RACGAP1: variants seen among roughly 807,000 people sequenced by gnomAD.
RACGAP1 encodes the protein rac GTPase-activating protein 1.
Under a neutral mutation model 78.1 loss-of-function variants are expected in RACGAP1, and 30 were observed. The observed-to-expected ratio is 0.38, with a 90% CI of 0.29 to 0.52. The LOEUF (loss-of-function observed/expected upper bound fraction) is 0.52, where lower values mean the gene tolerates loss of function less well. Among genes scored for constraint, RACGAP1 ranks in the 20% least tolerant of loss-of-function variants. The pLI is 0.82. For missense variants in RACGAP1, 587 were observed against 777.1 expected, an observed-to-expected ratio of 0.76 and a Z score of 2.91; for synonymous variants, 231 against 264.8, an observed-to-expected ratio of 0.87 and a Z score of 1.24.
chr12:50,012,481 A>G (rs1438454035), intron 2 of RACGAP1, among the ~76,000 whole-genome samples: 2 of 152,072 alleles, frequency 1.3e-5, no homozygotes, highest in Non-Finnish European at 2.9e-5. Flanking sequence ...GAATCACTTG[A>G]ACCTGGGAGG....
At chr12:50,018,523 G>A in intron 1 of RACGAP1, 1 of 1,286,610 alleles carries the variant, frequency 7.8e-7, no homozygotes. Context: ...TACCCTAAGT[G>A]CTACAGGACA....
Position 50,022,597 on chromosome 12 carries a change from C to T in RACGAP1, c.-5+2801G>A, listed in dbSNP as rs184410334. On this transcript the variant is annotated intron_variant, in intron 1 of 16. Coordinates refer to ENST00000312377, the MANE Select transcript of RACGAP1 (RefSeq NM_001319999.2). ...AACTCTGTCTCAAAAAAAAACAAAA[C>T]GAAAACAAAAACAAAAAATTAATAG... is the stretch of plus-strand genomic sequence containing the variant. Among the ~76,000 whole-genome samples, 37 of 151,936 alleles carry T rather than the reference C, an allele frequency of 2.4e-4. No homozygotes were observed. The East Asian group carries it at 4.5e-3, about 18-fold the overall frequency.
chr12:49,991,457 T>TATATATATATATATATATA (rs1555169076), intron 15 of RACGAP1, among the ~76,000 whole-genome samples: 2 of 27,402 alleles, frequency 7.3e-5, no homozygotes. Flanking sequence ...ATTTAAACTA[T>TATATATATATATATATATA]TATATATATA....
At chr12:50,006,339 A>G (rs1948970578) in intron 3 of RACGAP1, 95 bp downstream of exon 3, 3 of 1,357,964 alleles carry the variant, frequency 2.2e-6, no homozygotes, top group African/African-American at 2.9e-5. Context: ...TTAATGTGGA[A>G]GAAGAAACTA....
intron 5 of RACGAP1, 107 bp downstream of exon 5, chr12:50,004,124 CAACT>C (rs1565677448): frequency 1.0e-5 from 14 of 1,392,852 alleles, no homozygotes; most frequent in Non-Finnish European, 1.3e-5. Context: ...TATAACACAT[CAACT>C]AATAAAATAG....
rs531512048 is a variant in RACGAP1 at position 50,013,273 on chromosome 12, A to G, written c.85+3358T>C. Among the ~76,000 whole-genome samples the G allele has an allele frequency of 4.6e-5, 7 of 152,290 alleles. No individual in the cohort carries two copies. The East Asian group carries it at 1.3e-3, about 29-fold the overall frequency. ...AAGTATTTTCACAACTAATATCTCA[A>G]TTTATGCCCAAATCCTCATAGCACT... On this transcript the variant is annotated intron_variant, in intron 2 of 16. Transcript: ENST00000312377.
In RACGAP1 at chr12:50,001,166, T is replaced by C; in HGVS notation, c.630+6A>G. ...ATCTCTGTTACCTTGGCCTGACTAT[T>C]CTTACCTGGTCTACTGCAGAGCCAA... On this transcript the variant is annotated splice_donor_region_variant and intron_variant, in intron 7 of 16. Transcript: ENST00000312377. The C allele has an allele frequency of 6.3e-7, 1 of 1,585,144 alleles. No homozygotes were observed. Among genetic ancestry groups the C allele is most frequent in the Non-Finnish European group, 8.7e-7 (1 of 1,153,790 alleles).
intron 1 of RACGAP1, among the ~76,000 whole-genome samples, chr12:50,020,848 C>T (rs560431573): frequency 1.3e-5 from 2 of 152,240 alleles, no homozygotes; most frequent in African/African-American, 4.8e-5. Context: ...GTTATTTTTT[C>T]CTCTAACATA....
chr12:49,996,511 A>G (rs2137292006), intron 10 of RACGAP1, among the ~76,000 whole-genome samples: 2 of 151,134 alleles, frequency 1.3e-5, no homozygotes, highest in Non-Finnish European at 3.0e-5. Context: ...GTGGTGGTAC[A>G]TGCCTGTAAT....
intron 2 of RACGAP1, among the ~76,000 whole-genome samples, chr12:50,011,504 A>G (rs1000936008): frequency 3.3e-5 from 5 of 152,068 alleles, no homozygotes; most frequent in Non-Finnish European, 5.9e-5. Context: ...AGGTGGGAGG[A>G]CCGCTTGAGC....
At chr12:50,025,567 C>A (rs1331909451), upstream of RACGAP1, 2 of 983,444 alleles carry the variant, frequency 2.0e-6, no homozygotes, top group Admixed American at 1.2e-4. Context: ...CGCGTCAGGG[C>A]CACGCGGAGG....
intron 1 of RACGAP1, among the ~76,000 whole-genome samples, chr12:50,020,452 G>A (rs747312155): frequency 3.3e-5 from 5 of 151,888 alleles, no homozygotes; most frequent in Admixed American, 6.6e-5. Context: ...CCAAAGTGCT[G>A]GGATTACAGG....
chr12:50,021,367 T>C (rs1334945229), intron 1 of RACGAP1, among the ~76,000 whole-genome samples: 2 of 152,224 alleles, frequency 1.3e-5, no homozygotes, highest in African/African-American at 2.4e-5. Context: ...TCAGCTGTTA[T>C]TGATGGGGAA....
At chr12:50,002,896 C>A (rs186958289) in intron 5 of RACGAP1, among the ~76,000 whole-genome samples, 177 of 152,050 alleles carry the variant, frequency 1.2e-3, no homozygotes, top group Middle Eastern at 3.4e-3. Flanking sequence ...TGGTGGCGGG[C>A]GCCTGCAGTC....
upstream of RACGAP1, chr12:50,025,580 A>ACC: frequency 1.0e-6 from 1 of 976,990 alleles, no homozygotes; most frequent in Non-Finnish European, 1.2e-6. Context: ...CGCGGAGGTG[A>ACC]CGGGAACGGG....
upstream of RACGAP1, among the ~76,000 whole-genome samples, chr12:50,026,730 C>T (rs1212403108): frequency 1.3e-5 from 2 of 152,234 alleles, no homozygotes; most frequent in African/African-American, 4.8e-5. Context: ...CTCTGTCACG[C>T]AGGCTGGAGT....
intron 4 of RACGAP1, 54 bp from the exon 5 acceptor site, chr12:50,004,358 T>G (rs1948851701): frequency 1.9e-6 from 3 of 1,548,924 alleles, no homozygotes; most frequent in Non-Finnish European, 2.6e-6. Flanking sequence ...GAATGTAAAA[T>G]TCACCAACAT....
rs550784821 is a variant in RACGAP1, at chr12:50,009,377, T to C, written c.86-2741A>G. On this transcript the variant is annotated intron_variant, in intron 2 of 16. Transcript: ENST00000312377. ...GAAGGGAAATTTCCTCAAAACAAAT[T>C]GAGGGTGATCTTTGATTTATTTAAA... Among the ~76,000 whole-genome samples, 9 of 152,054 alleles carry C rather than the reference T, an allele frequency of 5.9e-5. 1 individual carries two copies. Among genetic ancestry groups the C allele is most frequent in the African/African-American group, 1.9e-4 (8 of 41,474 alleles).
Position 49,994,249 on chromosome 12 carries a change from G to T in RACGAP1, c.1221C>A (p.Pro407=). The change falls in exon 12 of 17, where the codon CCC becomes CCA. Residue 407 remains proline (P), a synonymous_variant. Transcript: ENST00000312377. ...KEKFLRVKTV[P]LLSKVDDIHA... is the part of the protein sequence containing the mutation. ...GGATATCATCCACTTTGCTGAGGAG[G>T]GGTACAGTTTTCACTCTGAGGAATT... The T allele has an allele frequency of 3.1e-6, 5 of 1,614,074 alleles. No individual in the cohort carries two copies. The highest frequency in any genetic ancestry group is 4.2e-6 in the Non-Finnish European group (5 of 1,180,014).
Sources: gnomAD v4.1 joint callset for allele counts (sites outside exome capture counted in the v4.1 genomes callset) on GRCh38, gnomAD v4.1.1 for gene constraint, MANE v1.5 for transcripts, NCBI Gene and HGNC (gene_info 2026-07-23, HGNC 2026-07-21) for gene names.